The following YAE1 variants were observed in gnomAD, a reference collection of about 807,000 sequenced individuals.
YAE1 encodes protein YAE1 homolog.
A neutral mutation model predicts 23.0 loss-of-function variants in YAE1; 22 were observed. That is an observed-to-expected ratio of 0.96 (90% CI 0.68 to 1.37). The LOEUF is 1.37. YAE1 is among the 40% of genes most tolerant of loss of function. YAE1 has a pLI of 0.00. For synonymous variants in YAE1, 101 were observed against 97.0 expected (o/e 1.04, Z -0.24); for missense variants, 260 against 262.1 (o/e 0.99, Z 0.06).
Position 39,570,643 on chromosome 7 carries a change from T to C in YAE1, c.251+16T>C, listed in dbSNP as rs777381768. 2 of 1,582,964 alleles carry C rather than the reference T, an allele frequency of 1.3e-6. No homozygotes were observed. The highest frequency in any genetic ancestry group is 1.7e-6 in the Non-Finnish European group (2 of 1,172,140). The stretch of plus-strand genomic sequence containing the variant: ...GAACATTGAGGTAATTTTTAAAGTC[T>C]AAATGCTGAATCATTTTAACCTCAA... On this transcript the variant is annotated intron_variant, in intron 2 of 2. Transcript: ENST00000223273.
rs114186489 is a variant in YAE1, at chr7:39,586,501, T to C, written c.251+15874T>C. 7.0e-3 allele frequency among the ~76,000 whole-genome samples: 1,030 copies of C among 146,210 alleles called. 15 individuals are homozygous for C. Among genetic ancestry groups the C allele is most frequent in the African/African-American group, 0.025 (978 of 39,688 alleles). On this transcript the variant is annotated intron_variant, in intron 2 of 2. Transcript: ENST00000432096. ...ATGATAACTATCATTTCTCTCTTTCTTTCTTTCTTTTTTTTTTAAGAAGTC... is the reference window on the plus strand; with the variant it reads ...ATGATAACTATCATTTCTCTCTTTCCTTCTTTCTTTTTTTTTTAAGAAGTC...
intron 1 of YAE1, chr7:39,567,030 A>G (rs1790481119): frequency 6.6e-6 from 1 of 152,456 alleles, no homozygotes; most frequent in South Asian, 2.1e-4. Flanking sequence ...ACTGGTGTCT[A>G]GGTAAGGGAA....
At chr7:39,603,246 C>A (rs1265258163) in intron 2 of YAE1, among the ~76,000 whole-genome samples, 1 of 152,204 alleles carries the variant, frequency 6.6e-6, no homozygotes, top group Non-Finnish European at 1.5e-5. Context: ...TCACGCCATT[C>A]TCCTGCGTCA....
chr7:39,583,286 G>A (rs1301367864), intron 2 of YAE1, among the ~76,000 whole-genome samples: 1 of 152,108 alleles, frequency 6.6e-6, no homozygotes, highest in Admixed American at 6.5e-5. Context: ...TAAAACTCTG[G>A]GAGTGCCTGC....
At chr7:39,585,046 T>A (rs1451628908) in intron 2 of YAE1, among the ~76,000 whole-genome samples, 2 of 151,930 alleles carry the variant, frequency 1.3e-5, no homozygotes, top group African/African-American at 4.8e-5. Context: ...AAGGAGCGAG[T>A]CTCCAGGTTG....
intron 2 of YAE1, among the ~76,000 whole-genome samples, chr7:39,604,764 A>G (rs1327378673): frequency 6.6e-6 from 1 of 152,240 alleles, no homozygotes; most frequent in Non-Finnish European, 1.5e-5. Context: ...TAAAGGAGTT[A>G]GAACACATTT....
At chr7:39,601,059 T>C (rs538972885) in intron 2 of YAE1, among the ~76,000 whole-genome samples, 4 of 152,296 alleles carry the variant, frequency 2.6e-5, no homozygotes, top group South Asian at 2.1e-4. Context: ...TTAAATCTAG[T>C]CTGAAAGAGA....
chr7:39,585,933 T>C (rs894552103), intron 2 of YAE1, among the ~76,000 whole-genome samples: 2 of 151,918 alleles, frequency 1.3e-5, no homozygotes, highest in Non-Finnish European at 2.9e-5. Flanking sequence ...CAAAACCTCA[T>C]CTCTACAAAA....
chr7:39,568,971 A>G (rs561258494), intron 1 of YAE1, among the ~76,000 whole-genome samples: 2 of 152,308 alleles, frequency 1.3e-5, no homozygotes, highest in Middle Eastern at 6.8e-3. Flanking sequence ...TTTATGGGAA[A>G]TACTTTCCTT....
chr7:39,610,979 C>A (rs1267478420), downstream of YAE1, among the ~76,000 whole-genome samples: 1 of 151,852 alleles, frequency 6.6e-6, no homozygotes, highest in Admixed American at 6.6e-5. Flanking sequence ...GAAACCCTGT[C>A]CCTACTAAAA....
At chr7:39,602,662 G>C (rs17714049) in intron 2 of YAE1, among the ~76,000 whole-genome samples, 3,011 of 152,328 alleles carry the variant, frequency 0.02, 65 homozygotes, top group East Asian at 0.11. Flanking sequence ...TCTCTACGTT[G>C]TTTCTTTCCA....
At chr7:39,591,256 G>T (rs1459604304) in intron 2 of YAE1, among the ~76,000 whole-genome samples, 3 of 152,028 alleles carry the variant, frequency 2.0e-5, no homozygotes, top group Admixed American at 1.3e-4. Flanking sequence ...ATTTATTGGT[G>T]GGGGGGACAC....
rs117977532 is a variant in YAE1, at chr7:39,569,172, C to G, written c.130-1334C>G. 8.6e-3 allele frequency among the ~76,000 whole-genome samples: 1,311 copies of G among 152,226 alleles called. 13 individuals carry two copies. The highest frequency in any genetic ancestry group is 0.055 in the Middle Eastern group (16 of 292). ...GCAAGATTTTTCAAAAATTAGAGAA[C>G]TAGTTAAACCACCATACTGTCCTTA... On this transcript the variant is annotated intron_variant, in intron 1 of 2. Transcript: ENST00000223273.
chr7:39,567,465 CT>C (rs56043103), intron 1 of YAE1, among the ~76,000 whole-genome samples: 6 of 149,036 alleles, frequency 4.0e-5, no homozygotes, highest in African/African-American at 7.4e-5. Context: ...TCTCATCATC[CT>C]TTTTTTTTTA....
intron 2 of YAE1, among the ~76,000 whole-genome samples, chr7:39,587,575 C>T (rs1790838731): frequency 6.6e-6 from 1 of 152,158 alleles, no homozygotes; most frequent in African/African-American, 2.4e-5. Context: ...TTGGAATTTA[C>T]CAACTGACAG....
At chr7:39,594,882 C>T (rs568092718) in intron 2 of YAE1, among the ~76,000 whole-genome samples, 2 of 152,298 alleles carry the variant, frequency 1.3e-5, no homozygotes, top group East Asian at 3.9e-4. Context: ...AGGTGTCAGC[C>T]ACCGTGCCCA....
rs139450997 is a variant in YAE1, at chr7:39,606,528, G to A, written c.252-3089G>A. Reference sequence around the variant, plus strand: ...GAAAATGAAACTATTATTCTGTGCTGTATAAATCTACTCCACCCTGATGAC... The same window carrying A: ...GAAAATGAAACTATTATTCTGTGCTATATAAATCTACTCCACCCTGATGAC... On this transcript the variant is annotated intron_variant, in intron 2 of 2. Transcript: ENST00000432096. 8.0e-3 allele frequency among the ~76,000 whole-genome samples: 1,214 copies of A among 152,338 alleles called. 5 individuals carry two copies. Among genetic ancestry groups the A allele is most frequent in the Non-Finnish European group, 0.013 (877 of 68,032 alleles).
chr7:39,583,542 G>T (rs1483335464), intron 2 of YAE1, among the ~76,000 whole-genome samples: 6 of 152,198 alleles, frequency 3.9e-5, no homozygotes, highest in Non-Finnish European at 8.8e-5. Flanking sequence ...ATTTGAAAGA[G>T]AATATGATAT....
chr7:39,578,243 G>A (rs1055450070), intron 2 of YAE1, among the ~76,000 whole-genome samples: 1 of 152,162 alleles, frequency 6.6e-6, no homozygotes, highest in Admixed American at 6.5e-5. Flanking sequence ...TCTAGCTAAG[G>A]GATTGTAAAT....
Sources: allele counts gnomAD v4.1 joint callset (sites outside exome capture counted in the v4.1 genomes callset), GRCh38; gene constraint gnomAD v4.1.1; transcripts MANE v1.5; gene names NCBI Gene and HGNC (gene_info 2026-07-23, HGNC 2026-07-21).